The following SEL1L3 variants were observed in gnomAD, a reference collection of about 807,000 sequenced individuals.
The protein encoded by SEL1L3 is SEL1L family member 3.
Under a neutral mutation model 142.8 loss-of-function variants are expected in SEL1L3, and 76 were observed. The ratio of observed to expected loss-of-function variants is 0.53; its 90% CI spans 0.44 to 0.64. The LOEUF (loss-of-function observed/expected upper bound fraction) is 0.64, where lower values mean the gene tolerates loss of function less well. Among genes scored for constraint, SEL1L3 ranks in the 30% least tolerant of loss-of-function variants. The pLI, the probability that SEL1L3 is intolerant of heterozygous loss-of-function variation, is 0.00. For missense variants in SEL1L3, 1,262 were observed against 1,381.7 expected, an observed-to-expected ratio of 0.91 and a Z score of 1.37; for synonymous variants, 504 against 519.6, an observed-to-expected ratio of 0.97 and a Z score of 0.41.
chr4:25,788,170 C>T lies in SEL1L3; in HGVS notation c.2217+54G>A. On this transcript the variant is annotated intron_variant, in intron 13 of 23. Coordinates refer to ENST00000399878, the MANE Select transcript of SEL1L3 (RefSeq NM_015187.5). The surrounding 1 kb of genome is among the most constrained non-coding windows in gnomAD (Gnocchi z 5.3). Reference sequence around the variant, plus strand: ...TTGCCAGCCCGCCCACAGGAAACTGCTCAGGAGTCTGATAAGAATTGCACA... The same window carrying T: ...TTGCCAGCCCGCCCACAGGAAACTGTTCAGGAGTCTGATAAGAATTGCACA... The T allele has an allele frequency of 1.3e-6, 2 of 1,592,148 alleles. No individual in the cohort carries two copies. The highest frequency in any genetic ancestry group is 2.2e-5 in the East Asian group (1 of 44,662).
the SEL1L3 span, among the ~76,000 whole-genome samples, chr4:25,721,593 G>A: frequency 1.3e-5 from 2 of 152,106 alleles, no homozygotes; most frequent in Non-Finnish European, 2.9e-5. Context: ...AATTCTATTG[G>A]GGAGACAAAG....
the SEL1L3 span, among the ~76,000 whole-genome samples, chr4:25,738,011 G>T: frequency 1.3e-5 from 2 of 151,812 alleles, no homozygotes; most frequent in African/African-American, 4.8e-5. Flanking sequence ...TGCCTCAGCC[G>T]CCTGAGTAGC....
chr4:25,791,848 G>A (rs1228932084), intron 11 of SEL1L3, among the ~76,000 whole-genome samples: 1 of 151,850 alleles, frequency 6.6e-6, no homozygotes. Flanking sequence ...GGGAGGCAGA[G>A]TTTGCAGTGA....
intron 23 of SEL1L3, among the ~76,000 whole-genome samples, chr4:25,751,832 T>C (rs10805257): frequency 0.72 from 109,584 of 151,604 alleles, 39,878 homozygotes; most frequent in East Asian, 0.96. Context: ...TTGAATGGGC[T>C]GGGCACGGTG....
chr4:25,852,541 G>A (rs190221109), intron 1 of SEL1L3, among the ~76,000 whole-genome samples: 6 of 152,236 alleles, frequency 3.9e-5, no homozygotes, highest in Non-Finnish European at 7.3e-5. Flanking sequence ...GCCAGGGATC[G>A]CTGGTGCTGG....
At chr4:25,768,090 G>A (rs1042211825) in intron 17 of SEL1L3, among the ~76,000 whole-genome samples, 3 of 152,160 alleles carry the variant, frequency 2.0e-5, no homozygotes, top group Non-Finnish European at 2.9e-5. Context: ...AGGGCATGTC[G>A]GATGTTGGCT....
At chr4:25,843,694 C>T (rs1449282130) in intron 2 of SEL1L3, among the ~76,000 whole-genome samples, 2 of 152,234 alleles carry the variant, frequency 1.3e-5, no homozygotes, top group Non-Finnish European at 1.5e-5. Flanking sequence ...ACACGTGCAC[C>T]GGGGGCATGT....
the SEL1L3 span, among the ~76,000 whole-genome samples, chr4:25,738,550 T>A: frequency 3.0e-4 from 45 of 152,184 alleles, no homozygotes; most frequent in Non-Finnish European, 1.3e-4. Context: ...CAAAAGATTA[T>A]ATTGTGCACT....
intron 16 of SEL1L3, among the ~76,000 whole-genome samples, chr4:25,778,589 T>C (rs1719794609): frequency 6.6e-6 from 1 of 152,086 alleles, no homozygotes; most frequent in African/African-American, 2.4e-5. Context: ...GTAACCAAAA[T>C]GATATACTTA....
intron 12 of SEL1L3, among the ~76,000 whole-genome samples, chr4:25,790,247 T>A (rs561355010): frequency 6.6e-6 from 1 of 152,312 alleles, no homozygotes; most frequent in African/African-American, 2.4e-5. Context: ...CCGACTGTAA[T>A]GGTTTTGGAA....
the SEL1L3 span, among the ~76,000 whole-genome samples, chr4:25,738,422 AAC>A: frequency 1.3e-5 from 2 of 152,134 alleles, no homozygotes; most frequent in African/African-American, 2.4e-5. Context: ...TGGTTAATCC[AAC>A]ACAGTCTTCC....
intron 14 of SEL1L3, 55 bp downstream of exon 14, chr4:25,784,173 A>G: frequency 1.5e-6 from 2 of 1,367,906 alleles, no homozygotes; most frequent in Non-Finnish European, 1.0e-6. Context: ...GACGTGCGAG[A>G]GCGTGTGGGA....
At chr4:25,767,860 A>T (rs1489973490) in intron 17 of SEL1L3, 30 bp from the exon 18 acceptor site, 1 of 1,297,252 alleles carries the variant, frequency 7.7e-7, no homozygotes, top group African/African-American at 1.5e-5. Context: ...AATAAATTTC[A>T]TATAGTGGCT....
intron 6 of SEL1L3, among the ~76,000 whole-genome samples, chr4:25,829,777 T>C (rs1158491293): frequency 6.6e-6 from 1 of 152,228 alleles, no homozygotes; most frequent in Non-Finnish European, 1.5e-5. Flanking sequence ...ATACTTTGAT[T>C]TATTTTTCAG....
intron 14 of SEL1L3, 43 bp downstream of exon 14, chr4:25,784,185 T>A: frequency 1.4e-6 from 2 of 1,437,880 alleles, no homozygotes; most frequent in South Asian, 2.3e-5. Context: ...CGTGTGGGAG[T>A]GTGTGGTGGA....
At chr4:25,718,424 T>C in the SEL1L3 span, 6 of 152,124 alleles carry the variant, frequency 3.9e-5, no homozygotes, top group Admixed American at 1.3e-4. Flanking sequence ...GTAAGTAATA[T>C]GGTTCATCTA....
chr4:25,847,648 C>T lies in SEL1L3; in HGVS notation c.379G>A (p.Val127Met), dbSNP rs201744798. 3.3e-5 allele frequency: 54 copies of T among 1,613,724 alleles called. No individual in the cohort carries two copies. Among genetic ancestry groups the T allele is most frequent in the Non-Finnish European group, 4.6e-5 (54 of 1,179,828 alleles). The change falls in exon 2 of 24, where the codon GTG becomes ATG. Residue 127 changes from valine (V) to methionine (M), a missense_variant. Transcript: ENST00000399878. ...TCATTCTTCCACCTTTTTTTGTACACGGGAATGCTACTTCTGAACTCAGAT... is the reference window on the plus strand; with the variant it reads ...TCATTCTTCCACCTTTTTTTGTACATGGGAATGCTACTTCTGAACTCAGAT... ...VSSEFRSSIP[V>M]YKKRWKNEKH...
At chr4:25,770,839 G>GT in intron 17 of SEL1L3, among the ~76,000 whole-genome samples, 1 of 152,066 alleles carries the variant, frequency 6.6e-6, no homozygotes, top group East Asian at 1.9e-4. Context: ...CCCAATGCGT[G>GT]TACCACCACC....
In SEL1L3 at chr4:25,822,010, G is replaced by C. The variant is rs574731182; in HGVS notation, c.1276C>G (p.Leu426Val). The change falls in exon 7 of 24, where the codon CTG becomes GTG. Residue 426 changes from leucine to valine, a missense_variant. Physicochemically the swap from Leu to Val is conservative, Grantham distance 32. Around this residue, in one of 3 missense-constraint regions of SEL1L3, gnomAD observed 689 missense variants for 692.8 expected, o/e 0.99. Transcript: ENST00000399878. ...GPLKYYRLRS[L>V]HPAQIFNPLL... ...CCTGGACTCACCTGGGCGGGGTGCA[G>C]ACTGCGAAGGCGATAGTACTTCAGG... The C allele has an allele frequency of 1.2e-6, 2 of 1,613,786 alleles. No homozygotes were observed. The highest frequency in any genetic ancestry group is 1.7e-5 in the Admixed American group (1 of 60,010).
Sources: allele counts gnomAD v4.1 joint callset (sites outside exome capture counted in the v4.1 genomes callset), GRCh38; gene constraint gnomAD v4.1.1; regional missense constraint gnomAD v4.1.1; non-coding constraint Gnocchi (gnomAD v3.1); transcripts MANE v1.5; gene names NCBI Gene and HGNC (gene_info 2026-07-23, HGNC 2026-07-21).